Variants in BCL6 observed in about 807,000 individuals in gnomAD.
BCL6 encodes the protein B-cell lymphoma 6 protein.
BCL6 carries 7 observed loss-of-function variants against 59.5 expected under a neutral mutation model. The ratio of observed to expected loss-of-function variants is 0.12; its 90% CI spans 0.07 to 0.22. The LOEUF (loss-of-function observed/expected upper bound fraction) is 0.22. Among genes scored for constraint, BCL6 ranks in the 10% least tolerant of loss-of-function variants. The pLI is 1.00. For missense variants in BCL6, 685 were observed against 939.4 expected (o/e 0.73, Z 3.54); for synonymous variants, 339 against 349.7 (o/e 0.97, Z 0.34).
At chr3:187,722,891 G>C (rs1356714085) in intron 9 of BCL6, among the ~76,000 whole-genome samples, 2 of 152,196 alleles carry the variant, frequency 1.3e-5, no homozygotes, top group Admixed American at 6.5e-5. Flanking sequence ...AGTGCAGTTA[G>C]ATGCAAACTC....
intron 3 of BCL6, 120 bp from the exon 4 acceptor site, chr3:187,732,050 A>G: frequency 3.8e-6 from 3 of 781,154 alleles, no homozygotes; most frequent in Non-Finnish European, 2.1e-6. Flanking sequence ...ACGGTAATTA[A>G]TAATAGCTGC....
intron 1 of BCL6, among the ~76,000 whole-genome samples, chr3:187,740,982 G>A (rs3774302): frequency 0.1 from 15,812 of 152,046 alleles, 966 homozygotes; most frequent in African/African-American, 0.16. Flanking sequence ...CCGCCCGGGA[G>A]GTGGAACGGC....
chr3:187,728,851 G>T (rs1718866384), intron 5 of BCL6, among the ~76,000 whole-genome samples, 199 bp downstream of exon 5: 1 of 152,160 alleles, frequency 6.6e-6, no homozygotes, highest in Admixed American at 6.5e-5. Context: ...TTCTGCCCCA[G>T]AAGGGAATTA....
At chr3:187,742,825 T>G (rs767461695) in intron 1 of BCL6, among the ~76,000 whole-genome samples, 1 of 152,156 alleles carries the variant, frequency 6.6e-6, no homozygotes, top group African/African-American at 2.4e-5. Flanking sequence ...AAGTATATAT[T>G]TTAAAGCAAG....
intron 4 of BCL6, 108 bp from the exon 5 acceptor site, chr3:187,730,129 C>G: frequency 7.0e-7 from 1 of 1,420,318 alleles, no homozygotes. Context: ...ATTAGCTAGA[C>G]ATAGGTGACG....
At chr3:187,722,666 G>A in intron 9 of BCL6, 65 bp from the exon 10 acceptor site, 1 of 1,565,780 alleles carries the variant, frequency 6.4e-7, no homozygotes, top group Non-Finnish European at 8.7e-7. Flanking sequence ...ATTGCTCAAA[G>A]ACCCAGAGAG....
At chr3:187,742,801 C>T (rs1039684894) in intron 1 of BCL6, among the ~76,000 whole-genome samples, 3 of 152,094 alleles carry the variant, frequency 2.0e-5, no homozygotes, top group African/African-American at 4.8e-5. Context: ...AATATCTTTT[C>T]GTCTTTTTTA....
At position 187,730,432 on chromosome 3, in the gene BCL6, T is replaced by C. The variant is rs1180463686; in HGVS notation, c.384-411A>G. 2.0e-5 allele frequency among the ~76,000 whole-genome samples: 3 copies of C among 152,258 alleles called. No homozygotes were observed. In the South Asian group the frequency reaches 6.2e-4, roughly 31 times the overall value. ...GGAAAGGTGGTTATTATTATCTCCA[T>C]TTTACACATAGGGAAACAGGAAAAG... On this transcript the variant is annotated intron_variant, in intron 4 of 9. Coordinates refer to ENST00000406870, the MANE Select transcript of BCL6 (RefSeq NM_001706.5).
intron 1 of BCL6, among the ~76,000 whole-genome samples, chr3:187,744,544 C>T (rs556148991): frequency 6.6e-6 from 1 of 152,272 alleles, no homozygotes; most frequent in African/African-American, 2.4e-5. Flanking sequence ...AAATAGTAGA[C>T]ACGATACTTC....
intron 1 of BCL6, among the ~76,000 whole-genome samples, chr3:187,744,031 T>C (rs1400398723): frequency 6.6e-6 from 1 of 151,918 alleles, no homozygotes; most frequent in Non-Finnish European, 1.5e-5. Context: ...TGTTCGTCTT[T>C]CTCCTCGCCC....
chr3:187,743,280 T>C (rs1711680995), intron 1 of BCL6, among the ~76,000 whole-genome samples: 1 of 148,206 alleles, frequency 6.7e-6, no homozygotes, highest in African/African-American at 2.5e-5. Flanking sequence ...TCCTGGAAAC[T>C]ATAAACTGAA....
rs547580132 is a variant in BCL6 at position 187,726,935 on chromosome 3, C to T, written c.1541-37G>A. The T allele has an allele frequency of 1.1e-5, 17 of 1,608,536 alleles. No individual in the cohort carries two copies. The East Asian group carries it at 2.0e-4, about 19-fold the overall frequency. On this transcript the variant is annotated intron_variant, in intron 6 of 9. Coordinates refer to ENST00000406870, the MANE Select transcript of BCL6 (RefSeq NM_001706.5). ...TGGTAGGGGGACACCAAAGTCAGCA[C>T]GAGGAAGGGAGGTAGGGCTCTAAGG...
intron 1 of BCL6, among the ~76,000 whole-genome samples, chr3:187,743,834 C>G (rs1046330519): frequency 6.6e-6 from 1 of 150,472 alleles, no homozygotes; most frequent in African/African-American, 2.4e-5. Context: ...CCCATTCTTA[C>G]TCCCTCGAGG....
At chr3:187,744,823 A>G (rs573214132) in intron 1 of BCL6, among the ~76,000 whole-genome samples, 4 of 152,252 alleles carry the variant, frequency 2.6e-5, no homozygotes, top group South Asian at 4.1e-4. Context: ...CAAGGAAAGC[A>G]GTTTGCAAGC....
At position 187,745,458 on chromosome 3, in the gene BCL6, A is replaced by T. The variant is rs1711911943; in HGVS notation, c.-98T>A. ...ACTTCTTGCATCACCACTTCTAAGAACCCCAGTTCTAAGAATCAACAGAGC... is the reference window on the plus strand; with the variant it reads ...ACTTCTTGCATCACCACTTCTAAGATCCCCAGTTCTAAGAATCAACAGAGC... On this transcript the variant is annotated 5_prime_UTR_variant, in exon 1 of 10. Transcript: ENST00000406870. 2.5e-6 allele frequency: 1 copy of T among 399,216 alleles called. No individual in the cohort carries two copies. The highest frequency in any genetic ancestry group is 3.6e-5 in the East Asian group (1 of 28,072). 24.7% of individuals were successfully genotyped at this position (399,216 alleles called of 1,614,324 possible). A position where few individuals can be genotyped will look rare whatever the true frequency, so the allele number is the denominator to read the frequency against.
chr3:187,744,569 T>C (rs1048225372), intron 1 of BCL6, among the ~76,000 whole-genome samples: 7 of 152,172 alleles, frequency 4.6e-5, no homozygotes, highest in South Asian at 2.1e-4. Context: ...CATCTGGATT[T>C]ATGACCAAAA....
At position 187,728,483 on chromosome 3, in the gene BCL6, G is replaced by A; in HGVS notation, c.1417C>T (p.Pro473Ser). Residue 473 changes from proline to serine, a missense_variant, in exon 6 of 10, where the codon CCG becomes TCG. Around this residue, in one of 7 missense-constraint regions of BCL6, gnomAD observed 207 missense variants for 213.7 expected, o/e 0.97. Transcript: ENST00000406870. ...TGAGAGCCGCAGGACGTGCACTTCG[G>A]GGGGTGCATGTAGAGTGGTGAGTGG... ...ESHSPLYMHP[P>S]KCTSCGSQSP... is the part of the protein sequence containing the mutation. The A allele has an allele frequency of 6.2e-7, 1 of 1,612,028 alleles. No individual in the cohort carries two copies. Among genetic ancestry groups the A allele is most frequent in the Non-Finnish European group, 8.5e-7 (1 of 1,179,708 alleles).
intron 1 of BCL6, among the ~76,000 whole-genome samples, chr3:187,744,821 G>T: frequency 1.3e-5 from 2 of 152,230 alleles, no homozygotes; most frequent in African/African-American, 2.4e-5. Flanking sequence ...AGCAAGGAAA[G>T]CAGTTTGCAA....
At position 187,721,670 on chromosome 3, in the gene BCL6, G is replaced by A. The variant is rs1010505899; in HGVS notation, c.*788C>T. ...ACGGGTATATACAAACTGAAAACTA[G>A]AACAAAATTACACATTTTTCCTTCT... is the stretch of plus-strand genomic sequence containing the variant. On this transcript the variant is annotated 3_prime_UTR_variant, in exon 10 of 10. Transcript: ENST00000406870. The surrounding 1 kb of genome is among the most constrained non-coding windows in gnomAD (Gnocchi z 4.2). 1 of 232,516 alleles carries A rather than the reference G, an allele frequency of 4.3e-6. No homozygotes were observed. The highest frequency in any genetic ancestry group is 8.5e-6 in the Non-Finnish European group (1 of 117,516). 14.4% of individuals were successfully genotyped at this position (232,516 alleles called of 1,614,324 possible).
Sources: gnomAD v4.1 joint callset for allele counts (sites outside exome capture counted in the v4.1 genomes callset) on GRCh38, gnomAD v4.1.1 for gene constraint, gnomAD v4.1.1 regional missense constraint, Gnocchi (gnomAD v3.1) non-coding constraint, MANE v1.5 for transcripts, NCBI Gene and HGNC (gene_info 2026-07-23, HGNC 2026-07-21) for gene names.